Variants in XDH observed in about 807,000 individuals in gnomAD.
XDH encodes the protein xanthine dehydrogenase/oxidase.
XDH carries 138 observed loss-of-function variants against 156.1 expected under a neutral mutation model. The ratio of observed to expected loss-of-function variants is 0.88; its 90% CI spans 0.77 to 1.02. The LOEUF is 1.02. XDH is among the 50% of genes least tolerant of loss of function. XDH has a pLI of 0.00. For missense variants in XDH, 1,849 were observed against 1,684.9 expected (o/e 1.10, Z -1.71); for synonymous variants, 669 against 625.7 (o/e 1.07, Z -1.03).
chr2:31,335,504 T>C lies in XDH; in HGVS notation c.*454A>G. Reference sequence around the variant, plus strand: ...AAATTTGAGTATAGATTCAAGGTTATGCTTTGCTGTTCATTGGTTTGAAGG... The same window carrying C: ...AAATTTGAGTATAGATTCAAGGTTACGCTTTGCTGTTCATTGGTTTGAAGG... On this transcript the variant is annotated 3_prime_UTR_variant, in exon 36 of 36. Coordinates refer to ENST00000379416, the MANE Select transcript of XDH (RefSeq NM_000379.4). 4.1e-6 allele frequency: 1 copy of C among 244,526 alleles called. No homozygotes were observed. Among genetic ancestry groups the C allele is most frequent in the East Asian group, 1.0e-4 (1 of 9,996 alleles). 15.1% of individuals were successfully genotyped at this position (244,526 alleles called of 1,614,324 possible).
intron 29 of XDH, 36 bp from the exon 30 acceptor site, chr2:31,346,879 G>A: frequency 6.2e-7 from 1 of 1,613,358 alleles, no homozygotes; most frequent in African/African-American, 1.3e-5. Context: ...AGACACATCA[G>A]TCCTCTGCAT....
chr2:31,349,580 C>T (rs1685401979), intron 26 of XDH, 106 bp downstream of exon 26: 1 of 1,521,784 alleles, frequency 6.6e-7, no homozygotes, highest in East Asian at 2.3e-5. Context: ...ACTCAGCAGT[C>T]TCATAAGTTA....
At chr2:31,337,903 A>C in intron 34 of XDH, 86 bp from the exon 35 acceptor site, 1 of 1,479,072 alleles carries the variant, frequency 6.8e-7, no homozygotes, top group Non-Finnish European at 9.2e-7. Flanking sequence ...GCCAGGCAGC[A>C]AACTCTGCAC....
intron 11 of XDH, 26 bp downstream of exon 11, chr2:31,382,975 C>CTTCTGAGAAAAAAAG: frequency 6.2e-7 from 1 of 1,614,056 alleles, no homozygotes; most frequent in Non-Finnish European, 8.5e-7. Context: ...TCCTACGGGC[C>CTTCTGAGAAAAAAAG]TCGCTTGCTT....
intron 30 of XDH, among the ~76,000 whole-genome samples, chr2:31,344,980 C>T (rs1685242560): frequency 6.6e-6 from 1 of 152,208 alleles, no homozygotes; most frequent in Admixed American, 6.5e-5. Context: ...GTCTCCCCAG[C>T]CCAGCCAGAG....
chr2:31,411,570 G>A (rs1687343926), intron 1 of XDH, among the ~76,000 whole-genome samples: 1 of 152,216 alleles, frequency 6.6e-6, no homozygotes, highest in South Asian at 2.1e-4. Flanking sequence ...TATTCTTCTT[G>A]CAGTTTTTCT....
intron 16 of XDH, 81 bp downstream of exon 16, chr2:31,373,792 C>T (rs761901639): frequency 7.2e-7 from 1 of 1,395,974 alleles, no homozygotes; most frequent in Non-Finnish European, 1.0e-6. Flanking sequence ...TCAAGTTAGT[C>T]ATTAGCCGAT....
chr2:31,368,487 A>C, intron 19 of XDH, 54 bp downstream of exon 19: 1 of 1,607,540 alleles, frequency 6.2e-7, no homozygotes, highest in Non-Finnish European at 8.5e-7. Context: ...TAATACATGC[A>C]CATCCAGGGA....
At chr2:31,356,693 C>T (rs887800970) in intron 24 of XDH, among the ~76,000 whole-genome samples, 1 of 152,136 alleles carries the variant, frequency 6.6e-6, no homozygotes, top group African/African-American at 2.4e-5. Context: ...AATAAATGTT[C>T]GTTATTTTAA....
At position 31,337,788 on chromosome 2, in the gene XDH, A is replaced by G; in HGVS notation, c.3804T>C (p.Ala1268=). 2 of 1,614,212 alleles carry G rather than the reference A, an allele frequency of 1.2e-6. No individual in the cohort carries two copies. The highest frequency in any genetic ancestry group is 1.7e-6 in the Non-Finnish European group (2 of 1,180,026). ...KAVGEPPLFL[A]ASIFFAIKDA... is the part of the protein sequence containing the mutation. ...CTTTGATGGCAAAGAAGATAGAAGC[A>G]GCCAGGAAGAGGGGCGGCTCTCCAA... The change falls in exon 35 of 36, where the codon GCT becomes GCC. Residue 1268 remains alanine (A), a synonymous_variant. Coordinates refer to ENST00000379416, the MANE Select transcript of XDH (RefSeq NM_000379.4).
At chr2:31,357,740 A>G (rs1372681184) in intron 24 of XDH, among the ~76,000 whole-genome samples, 1 of 152,052 alleles carries the variant, frequency 6.6e-6, no homozygotes, top group Admixed American at 6.5e-5. Flanking sequence ...AAAATGATAA[A>G]TTCTTGAGGT....
chr2:31,358,519 T>A (rs1353662598), intron 24 of XDH, among the ~76,000 whole-genome samples: 1 of 152,090 alleles, frequency 6.6e-6, no homozygotes, highest in African/African-American at 2.4e-5. Flanking sequence ...CCTTAACAAA[T>A]TTTAGCAAAT....
rs1478906505 is a variant in XDH, at chr2:31,403,157, G to C, written c.101-13C>G. The C allele has an allele frequency of 1.2e-6, 2 of 1,613,818 alleles. No individual in the cohort carries two copies. Among genetic ancestry groups the C allele is most frequent in the Non-Finnish European group, 8.5e-7 (1 of 1,179,826 alleles). ...CCACTCAGCCCCACTGGGTGGTCAA[G>C]AGTTAAGGAGAATGAACTCAGGGAG... On this transcript the variant is annotated splice_polypyrimidine_tract_variant and intron_variant, in intron 2 of 35. Coordinates refer to ENST00000379416, the MANE Select transcript of XDH (RefSeq NM_000379.4).
At chr2:31,336,132 C>A (rs748208006) in intron 35 of XDH, 124 bp from the exon 36 acceptor site, 12 of 1,056,138 alleles carry the variant, frequency 1.1e-5, no homozygotes, top group Non-Finnish European at 1.6e-5. Context: ...ACTCTGCAGG[C>A]CTAGCTGTTG....
At chr2:31,348,837 A>G in intron 27 of XDH, 62 bp downstream of exon 27, 1 of 1,476,014 alleles carries the variant, frequency 6.8e-7, no homozygotes, top group Non-Finnish European at 9.5e-7. Context: ...GCAATACTGT[A>G]AACAACAGGG....
intron 6 of XDH, among the ~76,000 whole-genome samples, chr2:31,395,233 G>T (rs910310863): frequency 2.0e-5 from 3 of 152,090 alleles, no homozygotes; most frequent in Non-Finnish European, 4.4e-5. Context: ...AGCTTGTGCC[G>T]CTCACCTGTG....
chr2:31,352,401 C>A (rs969313826), intron 24 of XDH, among the ~76,000 whole-genome samples: 1 of 152,136 alleles, frequency 6.6e-6, no homozygotes, highest in African/African-American at 2.4e-5. Flanking sequence ...GGTACTCTCT[C>A]TCTCCCACAA....
chr2:31,335,942 G>A lies in XDH; in HGVS notation c.*16C>T. 6.2e-7 allele frequency: 1 copy of A among 1,614,094 alleles called. No individual in the cohort carries two copies. The highest frequency in any genetic ancestry group is 8.5e-7 in the Non-Finnish European group (1 of 1,179,946). On this transcript the variant is annotated 3_prime_UTR_variant, in exon 36 of 36. Transcript: ENST00000379416. ...CCCAAAGGCAGCACAAGAAGACTCT[G>A]CTGAGGACTCTCTCTTTAGACCCTC...
chr2:31,339,408 G>C (rs1685059939), intron 34 of XDH, 81 bp downstream of exon 34: 4 of 1,588,392 alleles, frequency 2.5e-6, no homozygotes, highest in Non-Finnish European at 1.7e-6. Context: ...CACCAGGTGG[G>C]TCACTGAGGC....
Sources: gnomAD v4.1 joint callset for allele counts (sites outside exome capture counted in the v4.1 genomes callset) on GRCh38, gnomAD v4.1.1 for gene constraint, MANE v1.5 for transcripts, NCBI Gene and HGNC (gene_info 2026-07-23, HGNC 2026-07-21) for gene names.